GABRG3: variants seen among roughly 807,000 people sequenced by gnomAD.
GABRG3 encodes the protein gamma-aminobutyric acid receptor subunit gamma-3.
A neutral mutation model predicts 48.8 loss-of-function variants in GABRG3; 25 were observed. The observed-to-expected ratio is 0.51, with a 90% CI of 0.37 to 0.72. The LOEUF (loss-of-function observed/expected upper bound fraction) is 0.72. Among genes scored for constraint, GABRG3 ranks in the 30% least tolerant of loss-of-function variants. GABRG3 has a pLI of 0.00. For synonymous variants in GABRG3, 227 were observed against 217.6 expected, an observed-to-expected ratio of 1.04 and a Z score of -0.38; for missense variants, 394 against 577.9, an observed-to-expected ratio of 0.68 and a Z score of 3.26.
At chr15:27,511,641 C>T (rs891671382) in intron 6 of GABRG3, among the ~76,000 whole-genome samples, 2 of 152,152 alleles carry the variant, frequency 1.3e-5, no homozygotes, top group African/African-American at 4.8e-5. Flanking sequence ...GCTCAGGAAG[C>T]AAAGAAAACG....
At chr15:27,392,645 T>G (rs1887170317) in intron 5 of GABRG3, among the ~76,000 whole-genome samples, 1 of 152,186 alleles carries the variant, frequency 6.6e-6, no homozygotes, top group Non-Finnish European at 1.5e-5. Flanking sequence ...AACTCACACT[T>G]TAAGGACTAG....
chr15:27,504,613 A>G (rs1890720122), intron 6 of GABRG3, among the ~76,000 whole-genome samples: 1 of 152,186 alleles, frequency 6.6e-6, no homozygotes, highest in Non-Finnish European at 1.5e-5. Context: ...ATAGGATGAA[A>G]ATAAACTTTA....
intron 5 of GABRG3, among the ~76,000 whole-genome samples, chr15:27,476,537 A>G (rs1264972099): frequency 6.6e-6 from 1 of 152,228 alleles, no homozygotes; most frequent in Non-Finnish European, 1.5e-5. Context: ...CAATAAAAAA[A>G]AAATCACTGG....
intron 3 of GABRG3, among the ~76,000 whole-genome samples, chr15:27,142,323 G>GT (rs1294639228): frequency 1.3e-5 from 2 of 152,180 alleles, no homozygotes; most frequent in Non-Finnish European, 2.9e-5. Flanking sequence ...TGGACTTACA[G>GT]TTCCACGTGG....
chr15:27,186,677 T>A (rs937924504), intron 3 of GABRG3, among the ~76,000 whole-genome samples: 21 of 152,312 alleles, frequency 1.4e-4, no homozygotes, highest in African/African-American at 5.1e-4. Context: ...TCTTATTTTC[T>A]GACGTTTTAA....
intron 2 of GABRG3, among the ~76,000 whole-genome samples, chr15:26,977,774 G>A (rs1283498919): frequency 6.6e-6 from 1 of 152,114 alleles, no homozygotes; most frequent in African/African-American, 2.4e-5. Context: ...CAAATAAAAT[G>A]ACTGAGCACA....
chr15:27,471,349 G>A (rs1038247891), intron 5 of GABRG3, among the ~76,000 whole-genome samples: 38 of 152,196 alleles, frequency 2.5e-4, no homozygotes, highest in African/African-American at 9.2e-4. Context: ...CTATAGTGAT[G>A]TTATTTACGG....
chr15:27,088,475 GGTGAACACT>G (rs1897126070), intron 3 of GABRG3, among the ~76,000 whole-genome samples: 1 of 152,088 alleles, frequency 6.6e-6, no homozygotes, highest in Admixed American at 6.5e-5. Context: ...GCAGGCTGCG[GGTGAACACT>G]GCCTGTATTA....
At chr15:27,148,611 A>G (rs923571761) in intron 3 of GABRG3, among the ~76,000 whole-genome samples, 2 of 152,042 alleles carry the variant, frequency 1.3e-5, no homozygotes, top group Non-Finnish European at 2.9e-5. Flanking sequence ...TCAACAAAAT[A>G]CTAGCAATCT....
chr15:27,379,087 A>C (rs28436697), intron 5 of GABRG3, among the ~76,000 whole-genome samples: 1 of 152,066 alleles, frequency 6.6e-6, no homozygotes, highest in Non-Finnish European at 1.5e-5. Flanking sequence ...CTAAAGTTCC[A>C]AAGAAGAATT....
At chr15:27,085,637 T>G (rs1897062879) in intron 3 of GABRG3, among the ~76,000 whole-genome samples, 1 of 152,230 alleles carries the variant, frequency 6.6e-6, no homozygotes, top group Admixed American at 6.5e-5. Context: ...TATTCTAACT[T>G]AAAAATTGCT....
intron 9 of GABRG3, among the ~76,000 whole-genome samples, chr15:27,531,212 G>T (rs899199922): frequency 5.3e-4 from 81 of 152,264 alleles, no homozygotes; most frequent in African/African-American, 1.9e-3. Context: ...TGAACATGTG[G>T]TCCAGGCCAT....
At chr15:27,203,691 C>A (rs1888762111) in intron 3 of GABRG3, among the ~76,000 whole-genome samples, 2 of 152,140 alleles carry the variant, frequency 1.3e-5, no homozygotes, top group African/African-American at 4.8e-5. Flanking sequence ...TGCAACCTCA[C>A]CAGCATCTGT....
intron 2 of GABRG3, among the ~76,000 whole-genome samples, chr15:26,994,978 T>A (rs1895314256): frequency 6.6e-6 from 1 of 152,054 alleles, no homozygotes; most frequent in Non-Finnish European, 1.5e-5. Context: ...AGTCTCATCA[T>A]TTTATAGTTT....
chr15:27,295,042 A>G (rs1213981259), intron 3 of GABRG3: 1 of 152,148 alleles, frequency 6.6e-6, no homozygotes, highest in Non-Finnish European at 1.5e-5. Context: ...ATTCCGGGGC[A>G]TCAGTTCACC....
At chr15:27,367,998 C>G (rs1366705401) in intron 5 of GABRG3, among the ~76,000 whole-genome samples, 1 of 152,088 alleles carries the variant, frequency 6.6e-6, no homozygotes, top group Non-Finnish European at 1.5e-5. Context: ...CTTATCTCCC[C>G]TTCATCTCAT....
chr15:27,039,222 C>G (rs1216290553), intron 3 of GABRG3, among the ~76,000 whole-genome samples: 1 of 152,170 alleles, frequency 6.6e-6, no homozygotes, highest in Non-Finnish European at 1.5e-5. Flanking sequence ...GAATTCTTGC[C>G]AGACTGACTT....
chr15:27,307,485 ATAGGTT>A (rs1170420728), intron 3 of GABRG3, among the ~76,000 whole-genome samples: 7 of 88,320 alleles, frequency 7.9e-5, no homozygotes, highest in Non-Finnish European at 1.4e-4. Context: ...ACATAGGTTT[ATAGGTT>A]TATATATTTA....
At chr15:27,189,985 A>T (rs559133935) in intron 3 of GABRG3, among the ~76,000 whole-genome samples, 107 of 152,270 alleles carry the variant, frequency 7.0e-4, no homozygotes, top group African/African-American at 2.3e-3. Context: ...TGAGATAATT[A>T]TGTGGTTTTT....
Sources: gnomAD v4.1 joint callset for allele counts (sites outside exome capture counted in the v4.1 genomes callset) on GRCh38, gnomAD v4.1.1 for gene constraint, MANE v1.5 for transcripts, NCBI Gene and HGNC (gene_info 2026-07-23, HGNC 2026-07-21) for gene names.